The following MAP1LC3A variants were observed in gnomAD, a reference collection of about 807,000 sequenced individuals.
MAP1LC3A encodes the protein microtubule associated protein 1 light chain 3 alpha.
A neutral mutation model predicts 15.2 loss-of-function variants in MAP1LC3A; 10 were observed. That is an observed-to-expected ratio of 0.66 (90% CI 0.41 to 1.12). The LOEUF is 1.12. MAP1LC3A is among the 50% of genes most tolerant of loss of function. MAP1LC3A has a pLI of 0.00. For synonymous variants in MAP1LC3A, 63 were observed against 64.3 expected (o/e 0.98, Z 0.10); for missense variants, 138 against 167.3 (o/e 0.82, Z 0.97).
Position 34,558,919 on chromosome 20 carries a change from G to A in MAP1LC3A, c.40+11G>A. 1.4e-6 allele frequency: 2 copies of A among 1,393,172 alleles called. No homozygotes were observed. Among genetic ancestry groups the A allele is most frequent in the South Asian group, 1.5e-5 (1 of 65,134 alleles). The allele number at this position is 1,393,172 out of a possible 1,614,324, so 86.3% of individuals were successfully genotyped here. On this transcript the variant is annotated intron_variant, in intron 1 of 3. Coordinates refer to ENST00000360668, the MANE Select transcript of MAP1LC3A (RefSeq NM_032514.4). The surrounding 1 kb of genome is among the most constrained non-coding windows in gnomAD (Gnocchi z 4.3). ...AGCGGCGGAGCTTCGGTGAGGCCCG[G>A]CAGGCGAGCTGCGAGCTCTGGGGCA...
chr20:34,550,119 G>A, intron 2 of MAP1LC3A: 1 of 1,331,278 alleles, frequency 7.5e-7, no homozygotes, highest in Non-Finnish European at 1.1e-6. Flanking sequence ...GCAGGCCAGG[G>A]TTGCTCCGCC....
At chr20:34,555,510 G>T (rs1982121568), upstream of MAP1LC3A, among the ~76,000 whole-genome samples, 1 of 151,950 alleles carries the variant, frequency 6.6e-6, no homozygotes. Context: ...AAACTTCTGG[G>T]CTCAAATGAT....
rs181799198 is a variant in MAP1LC3A, at chr20:34,549,070, G to T, written c.-73-835G>T. Among the ~76,000 whole-genome samples the T allele has an allele frequency of 2.6e-5, 4 of 151,766 alleles. No individual in the cohort carries two copies. In the East Asian group the frequency reaches 5.8e-4, roughly 22 times the overall value. Reference sequence around the variant, plus strand: ...TTGTTTTGATAGTCTCTATCACCCAGGCTAGAGGGCAGTGGTGCAATCTTG... The same window carrying T: ...TTGTTTTGATAGTCTCTATCACCCATGCTAGAGGGCAGTGGTGCAATCTTG... On this transcript the variant is annotated intron_variant, in intron 1 of 4. Coordinates refer to the MAP1LC3A transcript ENST00000374837.
At chr20:34,558,148 A>G, upstream of MAP1LC3A, 1 of 983,858 alleles carries the variant, frequency 1.0e-6, no homozygotes, top group Non-Finnish European at 1.2e-6. This position sits in a 1 kb window ranked among gnomAD's most constrained non-coding sequence, Gnocchi z 4.3. Flanking sequence ...GCTTCCGATC[A>G]GCCTCCAGGT....
chr20:34,555,693 C>T (rs548336382), upstream of MAP1LC3A, among the ~76,000 whole-genome samples: 6 of 151,166 alleles, frequency 4.0e-5, no homozygotes, highest in South Asian at 2.1e-4. Context: ...ATTTTGTCAC[C>T]GAGGCTGGAA....
chr20:34,555,144 C>CTTT (rs201229933), upstream of MAP1LC3A, among the ~76,000 whole-genome samples: 14 of 141,514 alleles, frequency 9.9e-5, 4 homozygotes, highest in South Asian at 2.2e-4. Flanking sequence ...AGCGAATTTT[C>CTTT]TTATTTTTTT....
chr20:34,559,796 GGTGA>G lies in MAP1LC3A; in HGVS notation c.268_271del (p.Ser90CysfsTer57). ...TCCTGCTGGTGAACCAGCACAGCAT[GGTGA>G]GTGTGTCCACGCCCATCGCGGACAT... On this transcript the variant is annotated frameshift_variant, in exon 4 of 4. Coordinates refer to ENST00000360668, the MANE Select transcript of MAP1LC3A (RefSeq NM_032514.4). LOFTEE classifies it high-confidence loss of function. 1.2e-6 allele frequency: 2 copies of G among 1,613,914 alleles called. No individual in the cohort carries two copies. The highest frequency in any genetic ancestry group is 1.7e-6 in the Non-Finnish European group (2 of 1,179,986).
Position 34,559,535 on chromosome 20 carries a change from CA to C in MAP1LC3A, c.203+83del, listed in dbSNP as rs1157516794. The C allele has an allele frequency of 1.2e-5, 16 of 1,372,160 alleles. No homozygotes were observed. The Admixed American group carries it at 2.3e-4, about 19-fold the overall frequency. 85.0% of individuals were successfully genotyped at this position (1,372,160 alleles called of 1,614,324 possible). On this transcript the variant is annotated intron_variant, in intron 3 of 3. Transcript: ENST00000360668. Reference sequence around the variant, plus strand: ...CGCCGAGAAGGGGTGGGAGTGGGGTCAGGGGTGATGGGACCGGGCGGTGGGC... The same window carrying C: ...CGCCGAGAAGGGGTGGGAGTGGGGTCGGGGTGATGGGACCGGGCGGTGGGC...
intron 2 of MAP1LC3A, among the ~76,000 whole-genome samples, chr20:34,551,753 C>T (rs1981958744): frequency 6.6e-6 from 1 of 151,582 alleles, no homozygotes; most frequent in African/African-American, 2.4e-5. Context: ...CGTGAGCCAC[C>T]GCGCCTGGCC....
At chr20:34,558,170 C>G (rs1444083910), upstream of MAP1LC3A, 4 of 979,862 alleles carry the variant, frequency 4.1e-6, no homozygotes, top group East Asian at 4.5e-4. The surrounding 1 kb of genome is among the most constrained non-coding windows in gnomAD (Gnocchi z 4.3). Flanking sequence ...CACGATTTCT[C>G]TTCTGTTGTC....
At chr20:34,557,924 TCCCCCTC>T (rs1982220157), upstream of MAP1LC3A, among the ~76,000 whole-genome samples, 14 of 147,504 alleles carry the variant, frequency 9.5e-5, no homozygotes. Context: ...CGAGACTTCG[TCCCCCTC>T]CCCCCTCCCC....
chr20:34,553,160 T>C (rs1056906071), intron 2 of MAP1LC3A, among the ~76,000 whole-genome samples: 4 of 152,142 alleles, frequency 2.6e-5, no homozygotes, highest in African/African-American at 4.8e-5. Flanking sequence ...TTGCACTCCC[T>C]ACCTAGGTGA....
At chr20:34,558,174 T>C (rs1982230979), upstream of MAP1LC3A, 1 of 979,238 alleles carries the variant, frequency 1.0e-6, no homozygotes, top group Non-Finnish European at 1.2e-6. The surrounding 1 kb of genome is among the most constrained non-coding windows in gnomAD (Gnocchi z 4.3). Context: ...ATTTCTCTTC[T>C]GTTGTCCTTT....
chr20:34,548,250 TG>T (rs1600562851), intron 1 of MAP1LC3A, among the ~76,000 whole-genome samples: 1 of 152,172 alleles, frequency 6.6e-6, no homozygotes, highest in South Asian at 2.1e-4. Context: ...ACCTGACAGC[TG>T]GAAGCCAAAC....
intron 2 of MAP1LC3A, among the ~76,000 whole-genome samples, chr20:34,551,980 G>C (rs1981966068): frequency 6.6e-6 from 1 of 152,216 alleles, no homozygotes; most frequent in Admixed American, 6.5e-5. Context: ...AATGGACAGA[G>C]ACGTAATAAA....
chr20:34,555,372 T>C (rs1982117972), upstream of MAP1LC3A, among the ~76,000 whole-genome samples: 1 of 152,144 alleles, frequency 6.6e-6, no homozygotes, highest in Non-Finnish European at 1.5e-5. Flanking sequence ...CTCGAACTCC[T>C]GGCCTCAAGT....
At chr20:34,558,513 T>TTCGGGCTGCGGGAGAAGCTC (rs1982244042), upstream of MAP1LC3A, 6 of 1,058,530 alleles carry the variant, frequency 5.7e-6, no homozygotes, top group Non-Finnish European at 6.8e-6. This position sits in a 1 kb window ranked among gnomAD's most constrained non-coding sequence, Gnocchi z 4.3. Context: ...TTACCTTGAG[T>TTCGGGCTGCGGGAGAAGCTC]TCGGGCTGCG....
upstream of MAP1LC3A, among the ~76,000 whole-genome samples, chr20:34,556,469 CTG>C (rs1982162275): frequency 6.6e-6 from 1 of 151,688 alleles, no homozygotes; most frequent in South Asian, 2.1e-4. Flanking sequence ...TGATTAGTAA[CTG>C]TATTAACATC....
chr20:34,554,614 C>T (rs546183479), upstream of MAP1LC3A, among the ~76,000 whole-genome samples: 34 of 151,564 alleles, frequency 2.2e-4, no homozygotes, highest in Non-Finnish European at 3.7e-4. Flanking sequence ...CCTCATGATC[C>T]GCCTGCCTTG....
Sources: gnomAD v4.1 joint callset for allele counts (sites outside exome capture counted in the v4.1 genomes callset) on GRCh38, gnomAD v4.1.1 for gene constraint, Gnocchi (gnomAD v3.1) non-coding constraint, MANE v1.5 for transcripts, NCBI Gene and HGNC (gene_info 2026-07-23, HGNC 2026-07-21) for gene names.